The following ALB variants were observed in gnomAD, a reference collection of about 807,000 sequenced individuals.
ALB encodes albumin.
A neutral mutation model predicts 74.5 loss-of-function variants in ALB; 37 were observed. That is an observed-to-expected ratio of 0.50 (90% CI 0.38 to 0.65). The LOEUF (loss-of-function observed/expected upper bound fraction) is 0.65. Among genes scored for constraint, ALB ranks in the 30% least tolerant of loss-of-function variants. The pLI, the probability that ALB is intolerant of heterozygous loss-of-function variation, is 0.00. For synonymous variants in ALB, 249 were observed against 251.6 expected, an observed-to-expected ratio of 0.99 and a Z score of 0.10; for missense variants, 685 against 718.7, an observed-to-expected ratio of 0.95 and a Z score of 0.54.
In ALB at chr4:73,417,689, T is replaced by C. The variant is rs1366208159; in HGVS notation, c.1428+20T>C. On this transcript the variant is annotated intron_variant, in intron 11 of 14. Transcript: ENST00000295897. ...GACTATGTGAGTCTTTAAAAAAATA[T>C]AATAAATTAATAATGAAAAAATTTT... The C allele has an allele frequency of 2.6e-6, 4 of 1,522,090 alleles. No individual in the cohort carries two copies. Among genetic ancestry groups the C allele is most frequent in the Admixed American group, 2.1e-5 (1 of 47,340 alleles). The allele number at this position is 1,522,090 out of a possible 1,614,324, so 94.3% of individuals were successfully genotyped here.
intron 1 of ALB, 100 bp downstream of exon 1, chr4:73,404,506 T>C: frequency 9.5e-7 from 1 of 1,051,446 alleles, no homozygotes. Context: ...TTTTGGCATT[T>C]ATTTCTAAAA....
At chr4:73,405,056 CATT>C in intron 1 of ALB, 57 bp from the exon 2 acceptor site, 4 of 1,443,566 alleles carry the variant, frequency 2.8e-6, no homozygotes, top group Non-Finnish European at 3.9e-6. Flanking sequence ...TAAAAAGTAA[CATT>C]ATTACTTCTT....
rs1718892293 is a variant in ALB, at chr4:73,412,074, A to G, written c.792A>G (p.Lys264=). 1 of 1,614,038 alleles carries G rather than the reference A, an allele frequency of 6.2e-7. No homozygotes were observed. The highest frequency in any genetic ancestry group is 8.5e-7 in the Non-Finnish European group (1 of 1,180,014). ...EVSKLVTDLT[K]VHTECCHGDL... ...CCAAGTTAGTGACAGATCTTACCAA[A>G]GTCCACACGGAATGCTGCCATGGAG... Residue 264 remains lysine (K), a synonymous_variant, in exon 7 of 15, where the codon AAA becomes AAG. Coordinates refer to ENST00000295897, the MANE Select transcript of ALB (RefSeq NM_000477.7).
In ALB at chr4:73,420,365, A is replaced by G. The variant is rs1196501753; in HGVS notation, c.*23+44A>G. 2.3e-6 allele frequency: 3 copies of G among 1,289,606 alleles called. No individual in the cohort carries two copies. The African/African-American group carries it at 4.5e-5, about 19-fold the overall frequency. 79.9% of individuals were successfully genotyped at this position (1,289,606 alleles called of 1,614,324 possible). ...TTTTAAAAAAGTAACTATAATAGTT[A>G]TTATTAAAATAGCAAAGATTGACCA... On this transcript the variant is annotated intron_variant, in intron 14 of 14. Coordinates refer to ENST00000295897, the MANE Select transcript of ALB (RefSeq NM_000477.7).
At chr4:73,404,460 T>C in intron 1 of ALB, 54 bp downstream of exon 1, 3 of 1,479,338 alleles carry the variant, frequency 2.0e-6, no homozygotes, top group Non-Finnish European at 2.8e-6. Context: ...CCCAGTAAAA[T>C]AAAGTTTTAG....
At chr4:73,414,532 C>T (rs1483050768) in intron 8 of ALB, among the ~76,000 whole-genome samples, 2 of 152,092 alleles carry the variant, frequency 1.3e-5, no homozygotes, top group Non-Finnish European at 2.9e-5. Flanking sequence ...GGTGCCATCT[C>T]GGCTCACCAC....
chr4:73,409,517 T>C (rs753038371), intron 5 of ALB, 30 bp downstream of exon 5: 1 of 1,613,366 alleles, frequency 6.2e-7, no homozygotes, highest in South Asian at 1.1e-5. Context: ...AAAAAAAGAG[T>C]TCATTATCCA....
intron 2 of ALB, among the ~76,000 whole-genome samples, chr4:73,405,681 C>G (rs925088269): frequency 1.3e-5 from 2 of 151,974 alleles, no homozygotes; most frequent in Admixed American, 1.3e-4. Flanking sequence ...AACTCCGCCT[C>G]CCGGGTTCAC....
chr4:73,416,468 T>C, intron 10 of ALB, 115 bp downstream of exon 10: 1 of 775,300 alleles, frequency 1.3e-6, no homozygotes, highest in Admixed American at 2.1e-5. Context: ...ATATTTCTAA[T>C]CACTCTTTGT....
At chr4:73,412,348 C>T (rs1311663736) in intron 7 of ALB, 3 of 577,608 alleles carry the variant, frequency 5.2e-6, no homozygotes, top group Admixed American at 5.0e-5. Flanking sequence ...TAACTCCTTT[C>T]AGTCATGCTC....
intron 10 of ALB, 67 bp downstream of exon 10, chr4:73,416,420 C>G: frequency 8.9e-7 from 1 of 1,122,100 alleles, no homozygotes; most frequent in Admixed American, 1.9e-5. Flanking sequence ...ATATATGAGC[C>G]ACCTAGCATA....
intron 13 of ALB, 37 bp downstream of exon 13, chr4:73,419,676 T>C: frequency 1.2e-6 from 2 of 1,612,118 alleles, no homozygotes; most frequent in Non-Finnish European, 1.7e-6. Context: ...TGTCCAGTAT[T>C]CATTTTTGCA....
At chr4:73,418,789 T>C (rs1719079687) in intron 12 of ALB, among the ~76,000 whole-genome samples, 1 of 152,190 alleles carries the variant, frequency 6.6e-6, no homozygotes, top group South Asian at 2.1e-4. Flanking sequence ...CAACTCCCTA[T>C]TGCTATCACA....
At chr4:73,408,863 C>A in intron 4 of ALB, 58 bp downstream of exon 4, 1 of 1,354,118 alleles carries the variant, frequency 7.4e-7, no homozygotes, top group African/African-American at 1.5e-5. Context: ...CTCCATAGGC[C>A]AACACTCTAT....
intron 6 of ALB, 25 bp from the exon 7 acceptor site, chr4:73,411,970 AT>A: frequency 6.2e-7 from 1 of 1,614,006 alleles, no homozygotes; most frequent in Non-Finnish European, 8.5e-7. Context: ...TGATAATACC[AT>A]TTTGATTGGC....
intron 13 of ALB, 50 bp downstream of exon 13, chr4:73,419,689 T>G (rs570464564): frequency 6.2e-7 from 1 of 1,606,146 alleles, no homozygotes; most frequent in African/African-American, 1.3e-5. Context: ...TTTTTGCATG[T>G]TTGGTTAGGC....
chr4:73,420,642 G>C (rs1350214400), intron 14 of ALB, among the ~76,000 whole-genome samples: 1 of 152,156 alleles, frequency 6.6e-6, no homozygotes, highest in Non-Finnish European at 1.5e-5. Context: ...GCGGTACACA[G>C]AGCCATCCAA....
rs141131597 is a variant in ALB, at chr4:73,419,646, C to T, written c.1785+7C>T. On this transcript the variant is annotated splice_region_variant and intron_variant, in intron 13 of 14. Coordinates refer to ENST00000295897, the MANE Select transcript of ALB (RefSeq NM_000477.7). ...GACCTGCTTTGCCGAGGAGGTACTA[C>T]AGTTCTCTTCATTTTAATATGTCCA... is the stretch of plus-strand genomic sequence containing the variant. 1,025 of 1,613,756 alleles carry T rather than the reference C, an allele frequency of 6.4e-4. 3 individuals carry two copies. Among genetic ancestry groups the T allele is most frequent in the African/African-American group, 5.6e-3 (421 of 74,994 alleles).
At chr4:73,420,108 C>A in intron 13 of ALB, 146 bp from the exon 14 acceptor site, 1 of 764,814 alleles carries the variant, frequency 1.3e-6, no homozygotes, top group Non-Finnish European at 2.1e-6. Flanking sequence ...GAGCTTCCGT[C>A]CAGAGATTAT....
Sources: allele counts gnomAD v4.1 joint callset (sites outside exome capture counted in the v4.1 genomes callset), GRCh38; gene constraint gnomAD v4.1.1; transcripts MANE v1.5; gene names NCBI Gene and HGNC (gene_info 2026-07-23, HGNC 2026-07-21).